The following RPTOR variants were observed in gnomAD, a reference collection of about 807,000 sequenced individuals.
RPTOR encodes regulatory associated protein of MTOR complex 1.
Under a neutral mutation model 169.9 loss-of-function variants are expected in RPTOR, and 21 were observed. That is an observed-to-expected ratio of 0.12 (90% CI 0.09 to 0.18). The LOEUF (loss-of-function observed/expected upper bound fraction) is 0.18. RPTOR is among the 10% of genes least tolerant of loss of function. The probability of loss-of-function intolerance (pLI) is 1.00; values close to 1 mark genes in which losing one functional copy is unlikely to be tolerated. For synonymous variants in RPTOR, 732 were observed against 753.2 expected (o/e 0.97, Z 0.46); for missense variants, 1,133 against 1,855.9 (o/e 0.61, Z 7.16).
chr17:80,865,630 CTAA>C (rs2067980316), intron 13 of RPTOR, among the ~76,000 whole-genome samples: 1 of 152,062 alleles, frequency 6.6e-6, no homozygotes, highest in Non-Finnish European at 1.5e-5. Context: ...GTCTATTCAC[CTAA>C]TAATAGAGTT....
intron 5 of RPTOR, among the ~76,000 whole-genome samples, chr17:80,745,719 A>G (rs113076115): frequency 2.1e-4 from 32 of 152,376 alleles, no homozygotes; most frequent in Non-Finnish European, 3.2e-4. Flanking sequence ...ACTTTAAGGC[A>G]GAGCTAAAAG....
At chr17:80,676,441 C>T (rs1166365073) in intron 3 of RPTOR, among the ~76,000 whole-genome samples, 1 of 152,100 alleles carries the variant, frequency 6.6e-6, no homozygotes, top group Non-Finnish European at 1.5e-5. Context: ...GTAGCCAGCA[C>T]CAGGCATCAG....
rs1314966043 is a variant in RPTOR, at chr17:80,883,828, C to T, written c.1698C>T (p.Leu566=). The change falls in exon 16 of 34, where the codon CTC becomes CTT. Residue 566 remains leucine (L), a synonymous_variant. Transcript: ENST00000306801. ...GNLIAICLEQ[L]NDPHPLLRQW... ...TCATTGCCATCTGCCTGGAGCAGCT[C>T]AACGACCCGCACCCCTTGCTGCGCC... The T allele has an allele frequency of 6.2e-7, 1 of 1,613,772 alleles. No individual in the cohort carries two copies. Among genetic ancestry groups the T allele is most frequent in the South Asian group, 1.1e-5 (1 of 91,090 alleles).
rs560643640 is a variant in RPTOR at position 80,957,079 on chromosome 17, A to G, written c.3371-545A>G. Among the ~76,000 whole-genome samples, 3 of 149,220 alleles carry G rather than the reference A, an allele frequency of 2.0e-5. No homozygotes were observed. The highest frequency in any genetic ancestry group is 7.4e-5 in the African/African-American group (3 of 40,618). ...TTGGGAGTTCCAGCTCAGAATTGTC[A>G]CCCCGGCCTGGACTTGGGAGTTCCA... On this transcript the variant is annotated intron_variant, in intron 28 of 33. Transcript: ENST00000306801. The surrounding 1 kb of genome is among the most constrained non-coding windows in gnomAD (Gnocchi z 4.6).
At chr17:80,930,212 C>G (rs1027986584) in intron 24 of RPTOR, among the ~76,000 whole-genome samples, 12 of 66,178 alleles carry the variant, frequency 1.8e-4, no homozygotes, top group Non-Finnish European at 3.1e-4. Flanking sequence ...TCATCCCCAG[C>G]TCATCCTCAG....
At chr17:80,756,234 A>G (rs866016948) in intron 6 of RPTOR, among the ~76,000 whole-genome samples, 3 of 152,204 alleles carry the variant, frequency 2.0e-5, no homozygotes, top group Middle Eastern at 3.2e-3. Context: ...CCCTTGTGTT[A>G]TCTTGCCCTT....
chr17:80,564,814 T>C (rs1344930816), intron 1 of RPTOR, among the ~76,000 whole-genome samples: 1 of 152,186 alleles, frequency 6.6e-6, no homozygotes, highest in Non-Finnish European at 1.5e-5. Context: ...GTTCTCTTCA[T>C]TTAGCTCCCA....
chr17:80,857,971 G>T, intron 13 of RPTOR, 71 bp downstream of exon 13: 1 of 1,184,566 alleles, frequency 8.4e-7, no homozygotes, highest in African/African-American at 1.5e-5. Flanking sequence ...CGAGCCCTGC[G>T]TTTCCAGCCT....
At chr17:80,744,655 TTACGAGCACAGC>T (rs2066546721) in intron 5 of RPTOR, among the ~76,000 whole-genome samples, 2 of 28,266 alleles carry the variant, frequency 7.1e-5, no homozygotes, top group African/African-American at 3.4e-4. Context: ...ACTCTCCTGG[TTACGAGCACAGC>T]CCTGGCTACT....
At chr17:80,923,912 T>C (rs2068779928) in intron 23 of RPTOR, 2 of 539,916 alleles carry the variant, frequency 3.7e-6, no homozygotes, top group South Asian at 5.1e-5. Context: ...TCCCTCTGCC[T>C]GCACTCTTTA....
chr17:80,871,007 C>A (rs2068045900), intron 13 of RPTOR, among the ~76,000 whole-genome samples: 1 of 152,166 alleles, frequency 6.6e-6, no homozygotes, highest in African/African-American at 2.4e-5. Flanking sequence ...TTCTCTTGGC[C>A]GTGACAGTTT....
In RPTOR at chr17:80,799,563, G is replaced by A. The variant is rs1351788865; in HGVS notation, c.890+8054G>A. ...CTCTCTTGCCACTAAGTGTGAGGAC[G>A]ACGTTGGTTCCTGGGTCCCACCTGA... On this transcript the variant is annotated intron_variant, in intron 7 of 33. Coordinates refer to ENST00000306801, the MANE Select transcript of RPTOR (RefSeq NM_020761.3). 3.9e-5 allele frequency among the ~76,000 whole-genome samples: 6 copies of A among 152,306 alleles called. No homozygotes were observed. The East Asian group carries it at 7.7e-4, about 20-fold the overall frequency.
chr17:80,670,790 G>GC (rs1282574002), intron 3 of RPTOR, among the ~76,000 whole-genome samples: 2 of 151,982 alleles, frequency 1.3e-5, no homozygotes, highest in Non-Finnish European at 2.9e-5. Flanking sequence ...TTGATAATCA[G>GC]CCCCCCAACT....
chr17:80,733,348 T>C (rs1376344278), intron 5 of RPTOR, among the ~76,000 whole-genome samples: 2 of 152,236 alleles, frequency 1.3e-5, no homozygotes, highest in Non-Finnish European at 2.9e-5. Flanking sequence ...TTCAGTCTTC[T>C]TTTATAAATA....
At position 80,743,864 on chromosome 17, in the gene RPTOR, TACTAGCACAGCCCTGGC is replaced by T. The variant is rs1567887552; in HGVS notation, c.655-10145_655-10129del. 1.5e-3 allele frequency among the ~76,000 whole-genome samples: 188 copies of T among 123,406 alleles called. 36 individuals are homozygous for T. Among genetic ancestry groups the T allele is most frequent in the Non-Finnish European group, 2.3e-3 (132 of 57,650 alleles). The allele number at this position is 123,406 out of a possible 152,430, so 81.0% of individuals were successfully genotyped here. On this transcript the variant is annotated intron_variant, in intron 5 of 33. Transcript: ENST00000306801. ...CCCTGGTTACTAGCAGAGCCCTGGC[TACTAGCACAGCCCTGGC>T]TACTAGCACTGTCCTGGTTACGAGC...
chr17:80,763,698 C>T (rs1018446495), intron 6 of RPTOR, among the ~76,000 whole-genome samples: 3 of 152,178 alleles, frequency 2.0e-5, no homozygotes, highest in Admixed American at 2.0e-4. Flanking sequence ...ATAAATCATG[C>T]GCCCGACTAC....
intron 14 of RPTOR, 58 bp downstream of exon 14, chr17:80,880,547 A>T: frequency 2.0e-6 from 3 of 1,507,040 alleles, no homozygotes; most frequent in Middle Eastern, 1.7e-4. Context: ...GCCTCTGCCC[A>T]CACGCTGCAC....
intron 6 of RPTOR, among the ~76,000 whole-genome samples, chr17:80,782,789 A>G (rs954675310): frequency 6.6e-6 from 1 of 152,232 alleles, no homozygotes; most frequent in Admixed American, 6.5e-5. Context: ...TCCTTCAGGC[A>G]GCCTGAGTAT....
At chr17:80,763,703 G>A (rs566548713) in intron 6 of RPTOR, among the ~76,000 whole-genome samples, 9 of 152,298 alleles carry the variant, frequency 5.9e-5, no homozygotes, top group Admixed American at 3.3e-4. Context: ...TCATGCGCCC[G>A]ACTACAAAGA....
Sources: gnomAD v4.1 joint callset for allele counts (sites outside exome capture counted in the v4.1 genomes callset) on GRCh38, gnomAD v4.1.1 for gene constraint, Gnocchi (gnomAD v3.1) non-coding constraint, MANE v1.5 for transcripts, NCBI Gene and HGNC (gene_info 2026-07-23, HGNC 2026-07-21) for gene names.